Variants in SERINC5 observed in about 807,000 individuals in gnomAD.
SERINC5 encodes serine incorporator 5, also known as chromosome 5 open reading frame 12.
A neutral mutation model predicts 63.1 loss-of-function variants in SERINC5; 41 were observed. That is an observed-to-expected ratio of 0.65 (90% CI 0.51 to 0.84). SERINC5 has a LOEUF of 0.84. SERINC5 is among the 40% of genes least tolerant of loss of function. The pLI is 0.00. For missense variants in SERINC5, 523 were observed against 573.0 expected (o/e 0.91, Z 0.89); for synonymous variants, 222 against 215.2 (o/e 1.03, Z -0.28).
At position 80,167,612 on chromosome 5, in the gene SERINC5, GT is replaced by G. The variant is rs1292397483; in HGVS notation, c.764-1135del. Among the ~76,000 whole-genome samples the G allele has an allele frequency of 3.3e-5, 5 of 152,250 alleles. No homozygotes were observed. The East Asian group carries it at 9.6e-4, about 29-fold the overall frequency. On this transcript the variant is annotated intron_variant, in intron 6 of 11. Coordinates refer to ENST00000507668, the MANE Select transcript of SERINC5 (RefSeq NM_001174072.3). ...AATGAGATTGCTGGACCTAATGATAGTTTTGTTTTTAGGTCTTTGAGGAATT... is the reference window on the plus strand; with the variant it reads ...AATGAGATTGCTGGACCTAATGATAGTTTGTTTTTAGGTCTTTGAGGAATT...
Position 80,139,980 on chromosome 5 carries a change from G to C in SERINC5, c.*3683C>G. On this transcript the variant is annotated 3_prime_UTR_variant, in exon 12 of 12. Transcript: ENST00000507668. ...AAATACAGGCTCTGGAATTTCCTTC[G>C]CAGGAAGGTGAAGCACCAATGATGG... The C allele has an allele frequency of 2.0e-6, 2 of 985,180 alleles. No individual in the cohort carries two copies. The highest frequency in any genetic ancestry group is 2.4e-6 in the Non-Finnish European group (2 of 829,876). 61.0% of individuals were successfully genotyped at this position (985,180 alleles called of 1,614,324 possible). A position where few individuals can be genotyped will look rare whatever the true frequency, so the allele number is the denominator to read the frequency against.
chr5:80,207,243 C>T lies in SERINC5; in HGVS notation c.28-4190G>A, dbSNP rs116362235. ...TCAATCTCCTGACCTTGTAATCCGC[C>T]GTCTCGGCCTCCCATAAAGTGCTGG... is the stretch of plus-strand genomic sequence containing the variant. On this transcript the variant is annotated intron_variant, in intron 1 of 11. Coordinates refer to ENST00000507668, the MANE Select transcript of SERINC5 (RefSeq NM_001174072.3). Among the ~76,000 whole-genome samples the T allele has an allele frequency of 6.7e-3, 1,014 of 152,270 alleles. 6 individuals are homozygous for T. Among genetic ancestry groups the T allele is most frequent in the South Asian group, 0.015 (70 of 4,826 alleles).
intron 1 of SERINC5, among the ~76,000 whole-genome samples, chr5:80,216,540 T>A (rs771943547): frequency 1.3e-5 from 2 of 152,146 alleles, no homozygotes; most frequent in Non-Finnish European, 2.9e-5. Flanking sequence ...GTGGGAACAT[T>A]CACTGGCACC....
At position 80,148,183 on chromosome 5, in the gene SERINC5, TTTATTC is replaced by T. The variant is rs759187017; in HGVS notation, c.1054-905_1054-900del. Reference sequence around the variant, plus strand: ...AGCATCTCTGGTACCTTGCGTATTTTTTATTCTTTTTTTTTTTTTTTTTTGAGATGG... The same window carrying T: ...AGCATCTCTGGTACCTTGCGTATTTTTTTTTTTTTTTTTTTTTTGAGATGG... On this transcript the variant is annotated intron_variant, in intron 9 of 11. Coordinates refer to ENST00000507668, the MANE Select transcript of SERINC5 (RefSeq NM_001174072.3). Among the ~76,000 whole-genome samples the T allele has an allele frequency of 6.8e-3, 848 of 124,960 alleles. 8 individuals carry two copies. Among genetic ancestry groups the T allele is most frequent in the South Asian group, 0.025 (99 of 3,928 alleles). The allele number at this position is 124,960 out of a possible 152,430, so 82.0% of individuals were successfully genotyped here.
Position 80,142,815 on chromosome 5 carries a change from A to G in SERINC5, c.*848T>C. The G allele has an allele frequency of 1.0e-6, 1 of 985,416 alleles. No homozygotes were observed. The highest frequency in any genetic ancestry group is 4.7e-5 in the South Asian group (1 of 21,290). 61.0% of individuals were successfully genotyped at this position (985,416 alleles called of 1,614,324 possible). On this transcript the variant is annotated 3_prime_UTR_variant, in exon 12 of 12. Transcript: ENST00000507668. ...TATTATCATTATCAACAGCACAAAC[A>G]AGTAAGAATGATAGCCCTCCATTGC... is the stretch of plus-strand genomic sequence containing the variant.
intron 2 of SERINC5, among the ~76,000 whole-genome samples, chr5:80,188,282 CAAAA>C (rs34863168): frequency 7.0e-4 from 58 of 82,790 alleles, no homozygotes; most frequent in African/African-American, 2.4e-3. Context: ...GACTCCGTCT[CAAAA>C]AAAAAAAAAA....
chr5:80,191,503 A>G (rs1489080944), intron 2 of SERINC5, among the ~76,000 whole-genome samples: 11 of 150,066 alleles, frequency 7.3e-5, no homozygotes, highest in Non-Finnish European at 5.9e-5. Context: ...AAAGAAAAAA[A>G]AAAAAGAAAA....
rs1745573804 is a variant in SERINC5 at position 80,142,540 on chromosome 5, T to G, written c.*1123A>C. 2.0e-6 allele frequency: 2 copies of G among 985,342 alleles called. No homozygotes were observed. Among genetic ancestry groups the G allele is most frequent in the Admixed American group, 6.1e-5 (1 of 16,268 alleles). The allele number at this position is 985,342 out of a possible 1,614,324, so 61.0% of individuals were successfully genotyped here. ...ACTTCCACACATTGCCTAACAAGCT[T>G]CTTCTGGTCAGTGTGTCTGAGATCC... On this transcript the variant is annotated 3_prime_UTR_variant, in exon 12 of 12. Transcript: ENST00000507668.
In SERINC5 at chr5:80,256,020, C is replaced by T. The variant is rs1752672988; in HGVS notation, c.-98G>A. The stretch of plus-strand genomic sequence containing the variant: ...TCGAGCGCTGGGCTCAGCCGCAGCT[C>T]ACACTTGAACGAAGATCAGCCTCGG... On this transcript the variant is annotated 5_prime_UTR_variant, in exon 1 of 12. Coordinates refer to ENST00000507668, the MANE Select transcript of SERINC5 (RefSeq NM_001174072.3). The T allele has an allele frequency of 8.1e-7, 1 of 1,239,224 alleles. No homozygotes were observed. Among genetic ancestry groups the T allele is most frequent in the Non-Finnish European group, 1.1e-6 (1 of 937,784 alleles). 76.8% of individuals were successfully genotyped at this position (1,239,224 alleles called of 1,614,324 possible). A position where few individuals can be genotyped will look rare whatever the true frequency, so the allele number is the denominator to read the frequency against.
intron 7 of SERINC5, among the ~76,000 whole-genome samples, chr5:80,159,480 T>C (rs1014895584): frequency 6.6e-6 from 1 of 152,182 alleles, no homozygotes; most frequent in Non-Finnish European, 1.5e-5. Flanking sequence ...TTGTGAAATA[T>C]ATATTTGGTC....
At chr5:80,255,806 G>T in intron 1 of SERINC5, 90 bp downstream of exon 1, 1 of 1,383,800 alleles carries the variant, frequency 7.2e-7, no homozygotes, top group Non-Finnish European at 9.9e-7. Flanking sequence ...CCGCGGAGCT[G>T]GGAGCGCACC....
At chr5:80,161,048 A>ATATATGTG (rs1554061929) in intron 7 of SERINC5, among the ~76,000 whole-genome samples, 1 of 149,628 alleles carries the variant, frequency 6.7e-6, no homozygotes, top group African/African-American at 2.5e-5. Flanking sequence ...ATATATATAT[A>ATATATGTG]TGTATGTATG....
At chr5:80,170,502 T>C (rs1747579229) in intron 5 of SERINC5, among the ~76,000 whole-genome samples, 1 of 152,180 alleles carries the variant, frequency 6.6e-6, no homozygotes, top group Non-Finnish European at 1.5e-5. Flanking sequence ...CAGTGTCACA[T>C]GACTGTGTCT....
chr5:80,132,596 G>A (rs993889740), intron 11 of SERINC5, among the ~76,000 whole-genome samples: 9 of 142,468 alleles, frequency 6.3e-5, no homozygotes, highest in Non-Finnish European at 1.4e-4. Context: ...ATTTGCCTTA[G>A]TTCTTTTTTT....
At chr5:80,171,163 C>A (rs1747628983) in intron 5 of SERINC5, among the ~76,000 whole-genome samples, 1 of 152,032 alleles carries the variant, frequency 6.6e-6, no homozygotes, top group African/African-American at 2.4e-5. Context: ...GTATCCACCA[C>A]CATGCCGGGC....
Position 80,166,465 on chromosome 5 carries a change from C to T in SERINC5, c.777G>A (p.Ser259=), listed in dbSNP as rs764654643. The T allele has an allele frequency of 5.0e-5, 80 of 1,588,012 alleles. No homozygotes were observed. The highest frequency in any genetic ancestry group is 3.1e-5 in the Non-Finnish European group (36 of 1,166,892). The change falls in exon 7 of 12, where the codon TCG becomes TCA. Residue 259 remains serine (S), a synonymous_variant. Coordinates refer to ENST00000507668, the MANE Select transcript of SERINC5 (RefSeq NM_001174072.3). ...TTATGACCCCTGATTGTAAGAGCCC[C>T]GAGTGTGGCTGTCCTGAAAAGTGAC... is the stretch of plus-strand genomic sequence containing the variant. ...SPWVQNRQPH[S]GLLQSGVISC...
chr5:80,218,512 C>G (rs6895903), intron 1 of SERINC5, among the ~76,000 whole-genome samples: 28,211 of 151,932 alleles, frequency 0.19, 3,258 homozygotes, highest in African/African-American at 0.33. Flanking sequence ...TGCACTCCAG[C>G]CTGGGCAACA....
At position 80,185,881 on chromosome 5, in the gene SERINC5, T is replaced by C. The variant is rs1237043803; in HGVS notation, c.196-7817A>G. Among the ~76,000 whole-genome samples, 3 of 152,190 alleles carry C rather than the reference T, an allele frequency of 2.0e-5. No individual in the cohort carries two copies. In the East Asian group the frequency reaches 5.8e-4, roughly 29 times the overall value. ...ACTTCTTTTGTGATTCTTCAGTTAC[T>C]TCAGGCCATCTGGGCATATACCTGC... is the stretch of plus-strand genomic sequence containing the variant. On this transcript the variant is annotated intron_variant, in intron 2 of 11. Coordinates refer to ENST00000507668, the MANE Select transcript of SERINC5 (RefSeq NM_001174072.3).
At position 80,222,553 on chromosome 5, in the gene SERINC5, A is replaced by AGTATGTGAGTGTGT. The variant is rs550308144; in HGVS notation, c.28-19501_28-19500insACACACTCACATAC. Among the ~76,000 whole-genome samples, 332 of 138,998 alleles carry AGTATGTGAGTGTGT rather than the reference A, an allele frequency of 2.4e-3. 7 individuals carry two copies. In the East Asian group the frequency reaches 0.026, roughly 11 times the overall value. 91.2% of individuals were successfully genotyped at this position (138,998 alleles called of 152,430 possible). On this transcript the variant is annotated intron_variant, in intron 1 of 11. Transcript: ENST00000507668. ...AGTTTTGGTGGGTTTTTTGTGGGTGAGTGTGTGAGTGTGTGAGTGTGTGTG... is the reference window on the plus strand; with the variant it reads ...AGTTTTGGTGGGTTTTTTGTGGGTGAGTATGTGAGTGTGTGTGTGTGAGTGTGTGAGTGTGTGTG...
Sources: allele counts gnomAD v4.1 joint callset (sites outside exome capture counted in the v4.1 genomes callset), GRCh38; gene constraint gnomAD v4.1.1; transcripts MANE v1.5; gene names NCBI Gene and HGNC (gene_info 2026-07-23, HGNC 2026-07-21).